Variants in STAT5B observed in about 807,000 individuals in gnomAD.
The protein encoded by STAT5B is signal transducer and activator of transcription 5B.
STAT5B carries 21 observed loss-of-function variants against 107.8 expected under a neutral mutation model. That is an observed-to-expected ratio of 0.19 (90% confidence interval 0.14 to 0.28). STAT5B has a LOEUF of 0.28. STAT5B is among the 10% of genes least tolerant of loss of function. The pLI is 1.00. For missense variants in STAT5B, 565 were observed against 1,008.2 expected (o/e 0.56, Z 5.95); for synonymous variants, 325 against 401.7 (o/e 0.81, Z 2.28).
At position 42,210,626 on chromosome 17, in the gene STAT5B, G is replaced by A. The variant is rs142538226; in HGVS notation, c.1681-129C>T. 1.4e-5 allele frequency: 12 copies of A among 879,684 alleles called. No individual in the cohort carries two copies. In the Middle Eastern group the frequency reaches 1.3e-3, roughly 93 times the overall value. 54.5% of individuals were successfully genotyped at this position (879,684 alleles called of 1,614,324 possible). The stretch of plus-strand genomic sequence containing the variant: ...TTGTCAGAGGCATACAAATATCCCC[G>A]CCTACCTGAGTTTTACCTAATGGCC... On this transcript the variant is annotated intron_variant, in intron 13 of 18. Transcript: ENST00000293328.
At chr17:42,221,871 C>A (rs1434956738) in intron 5 of STAT5B, among the ~76,000 whole-genome samples, 1 of 151,880 alleles carries the variant, frequency 6.6e-6, no homozygotes, top group African/African-American at 2.4e-5. Flanking sequence ...ATGGAACCTA[C>A]ATACATGGAA....
chr17:42,254,548 C>T (rs889915093), intron 1 of STAT5B, among the ~76,000 whole-genome samples: 6 of 151,970 alleles, frequency 3.9e-5, no homozygotes, highest in African/African-American at 9.7e-5. Context: ...AAGAATATTT[C>T]CCCTTCATTT....
At chr17:42,203,775 C>T (rs567566389) in intron 16 of STAT5B, among the ~76,000 whole-genome samples, 3 of 152,110 alleles carry the variant, frequency 2.0e-5, no homozygotes, top group Non-Finnish European at 2.9e-5. Context: ...TACAGGTGCG[C>T]ACCACCATGC....
chr17:42,259,857 ATTTGT>A (rs528613318), intron 1 of STAT5B, among the ~76,000 whole-genome samples: 8 of 151,938 alleles, frequency 5.3e-5, no homozygotes, highest in African/African-American at 1.5e-4. Context: ...AAGAGACCCT[ATTTGT>A]TTTGTTTTAT....
the STAT5B span, among the ~76,000 whole-genome samples, chr17:42,287,157 G>T: frequency 6.6e-6 from 1 of 152,052 alleles, no homozygotes; most frequent in Non-Finnish European, 1.5e-5. Context: ...CAGAGAAGGT[G>T]GGGAGAACGC....
intron 1 of STAT5B, among the ~76,000 whole-genome samples, chr17:42,245,070 CTAAT>C (rs1234689561): frequency 8.0e-6 from 1 of 124,616 alleles, no homozygotes; most frequent in Non-Finnish European, 1.6e-5. Context: ...CAATGCCTGG[CTAAT>C]TTTTTTTTTT....
chr17:42,222,936 A>G (rs1259423669), intron 5 of STAT5B, among the ~76,000 whole-genome samples: 1 of 151,814 alleles, frequency 6.6e-6, no homozygotes, highest in Non-Finnish European at 1.5e-5. Context: ...CGCCTGCCTC[A>G]GCCTCCCAAA....
chr17:42,209,215 CTTATTTAT>C (rs891224830), intron 15 of STAT5B, among the ~76,000 whole-genome samples: 4 of 151,686 alleles, frequency 2.6e-5, no homozygotes, highest in African/African-American at 9.7e-5. Context: ...ACCTAATTAA[CTTATTTAT>C]TTATTTATTT....
intron 1 of STAT5B, among the ~76,000 whole-genome samples, chr17:42,265,593 C>T (rs959095529): frequency 1.3e-5 from 2 of 151,824 alleles, no homozygotes; most frequent in African/African-American, 4.8e-5. Context: ...CCTCGTGATC[C>T]GACTGCCTTA....
Position 42,218,482 on chromosome 17 carries a change from G to A in STAT5B, c.990-152C>T. On this transcript the variant is annotated intron_variant, in intron 8 of 18. Coordinates refer to ENST00000293328, the MANE Select transcript of STAT5B (RefSeq NM_012448.4). ...CTCTGTTCCTGGGGAAGCCGTGAGAGTCCAGGGAGAGGATGGAGAGGGGAG... is the reference window on the plus strand; with the variant it reads ...CTCTGTTCCTGGGGAAGCCGTGAGAATCCAGGGAGAGGATGGAGAGGGGAG... The A allele has an allele frequency of 3.5e-6, 5 of 1,412,512 alleles. No individual in the cohort carries two copies. The Admixed American group carries it at 6.7e-5, about 19-fold the overall frequency. The allele number at this position is 1,412,512 out of a possible 1,614,324, so 87.5% of individuals were successfully genotyped here.
At chr17:42,283,501 AGGACTCCT>A in the STAT5B span, among the ~76,000 whole-genome samples, 1 of 152,216 alleles carries the variant, frequency 6.6e-6, no homozygotes, top group Admixed American at 6.5e-5. Context: ...CAGAGGAAGC[AGGACTCCT>A]CTCCTACCCA....
At chr17:42,225,290 G>C (rs1598309125) in intron 3 of STAT5B, among the ~76,000 whole-genome samples, 1 of 152,180 alleles carries the variant, frequency 6.6e-6, no homozygotes, top group Non-Finnish European at 1.5e-5. Context: ...CCTGACCTCA[G>C]GTGATCCACC....
chr17:42,231,370 C>G (rs2080316214), intron 2 of STAT5B, among the ~76,000 whole-genome samples: 1 of 152,058 alleles, frequency 6.6e-6, no homozygotes, highest in South Asian at 2.1e-4. Flanking sequence ...GAGACAGGGT[C>G]TCACTCTGTT....
chr17:42,253,057 T>C (rs1398636162), intron 1 of STAT5B, among the ~76,000 whole-genome samples: 1 of 152,198 alleles, frequency 6.6e-6, no homozygotes, highest in Non-Finnish European at 1.5e-5. Context: ...TGTAGATTAA[T>C]GTTAGAAGGA....
intron 13 of STAT5B, among the ~76,000 whole-genome samples, chr17:42,211,518 A>T (rs78358583): frequency 1.3e-5 from 2 of 152,094 alleles, no homozygotes; most frequent in Non-Finnish European, 2.9e-5. Context: ...AAAAAAAAAA[A>T]TGAATAAAAA....
intron 1 of STAT5B, among the ~76,000 whole-genome samples, chr17:42,245,960 G>A (rs2080448543): frequency 6.6e-6 from 1 of 152,152 alleles, no homozygotes; most frequent in African/African-American, 2.4e-5. Context: ...CACCTGGCCT[G>A]TAGACACATT....
intron 3 of STAT5B, 58 bp from the exon 4 acceptor site, chr17:42,224,926 C>T (rs1283565067): frequency 1.3e-6 from 2 of 1,587,490 alleles, no homozygotes; most frequent in African/African-American, 1.3e-5. Context: ...GGGCCCTAAC[C>T]ATGCCTCAGG....
intron 1 of STAT5B, among the ~76,000 whole-genome samples, chr17:42,238,308 A>G (rs1308955737): frequency 6.7e-5 from 10 of 150,148 alleles, no homozygotes; most frequent in Non-Finnish European, 1.0e-4. Context: ...TAATTAAAGA[A>G]AAAAACTTTT....
intron 1 of STAT5B, among the ~76,000 whole-genome samples, chr17:42,260,632 G>C (rs763247127): frequency 3.3e-5 from 5 of 151,954 alleles, no homozygotes; most frequent in South Asian, 2.1e-4. Context: ...GGCTGGTCTC[G>C]AACTCCTGGA....
Sources: allele counts gnomAD v4.1 joint callset (sites outside exome capture counted in the v4.1 genomes callset), GRCh38; gene constraint gnomAD v4.1.1; transcripts MANE v1.5; gene names NCBI Gene and HGNC (gene_info 2026-07-23, HGNC 2026-07-21).